The following PIEZO2 variants were observed in gnomAD, a reference collection of about 807,000 sequenced individuals.
The protein encoded by PIEZO2 is piezo type mechanosensitive ion channel component 2.
Under a neutral mutation model 337.3 loss-of-function variants are expected in PIEZO2, and 172 were observed. The ratio of observed to expected loss-of-function variants is 0.51; its 90% CI spans 0.45 to 0.58. The LOEUF (loss-of-function observed/expected upper bound fraction) is 0.58, where lower values mean the gene tolerates loss of function less well. Ranked by LOEUF, PIEZO2 falls within the 20% of genes least tolerant of loss-of-function variation. PIEZO2 has a pLI of 0.00. For synonymous variants in PIEZO2, 1,251 were observed against 1,228.5 expected (o/e 1.02, Z -0.38); for missense variants, 3,028 against 3,391.3 (o/e 0.89, Z 2.66).
chr18:10,748,223 A>G lies in PIEZO2; in HGVS notation c.4424+248T>C, dbSNP rs1598429205. Among the ~76,000 whole-genome samples the G allele has an allele frequency of 6.6e-6, 1 of 152,164 alleles. No individual in the cohort carries two copies. Among genetic ancestry groups the G allele is most frequent in the Non-Finnish European group, 1.5e-5 (1 of 68,030 alleles). On this transcript the variant is annotated intron_variant, in intron 30 of 55. Transcript: ENST00000674853. The surrounding 1 kb of genome is among the most constrained non-coding windows in gnomAD (Gnocchi z 5.1). ...AGTGGTGGATTCTGCAAGGGCTTCA[A>G]TTGACCAGTGAACCTCTGGCCTTCC...
chr18:10,877,790 A>G lies in PIEZO2; in HGVS notation c.330-6375T>C, dbSNP rs146930477. On this transcript the variant is annotated intron_variant, in intron 4 of 55. Transcript: ENST00000674853. This position sits in a 1 kb window ranked among gnomAD's most constrained non-coding sequence, Gnocchi z 5.3. ...GCATAAAGCTGATCATGTCAACCCC[A>G]CGGCCCCCAGGAAACATCCACATTC... is the stretch of plus-strand genomic sequence containing the variant. Among the ~76,000 whole-genome samples the G allele has an allele frequency of 2.2e-3, 336 of 152,080 alleles. 1 individual carries two copies. Among genetic ancestry groups the G allele is most frequent in the African/African-American group, 7.8e-3 (323 of 41,468 alleles).
intron 8 of PIEZO2, among the ~76,000 whole-genome samples, chr18:10,805,448 A>G (rs1203089424): frequency 3.9e-5 from 6 of 152,222 alleles, no homozygotes; most frequent in African/African-American, 1.4e-4. Context: ...CCCAGGAGGC[A>G]GAGGTTGTGG....
intron 11 of PIEZO2, among the ~76,000 whole-genome samples, chr18:10,800,085 G>A (rs1229640706): frequency 6.6e-6 from 1 of 152,022 alleles, no homozygotes. Flanking sequence ...AAGTTGACAT[G>A]TTTAAAATAC....
chr18:10,854,210 C>A lies in PIEZO2; in HGVS notation c.917+1143G>T, dbSNP rs932985098. Among the ~76,000 whole-genome samples, 9 of 152,128 alleles carry A rather than the reference C, an allele frequency of 5.9e-5. No homozygotes were observed. Among genetic ancestry groups the A allele is most frequent in the Non-Finnish European group, 1.2e-4 (8 of 68,028 alleles). On this transcript the variant is annotated intron_variant, in intron 7 of 55. Transcript: ENST00000674853. The surrounding 1 kb of genome is among the most constrained non-coding windows in gnomAD (Gnocchi z 4.6). ...GGGAGGTTAGGTCAAAAGTCTTAAC[C>A]ATATGATGCTGTATAGCTCATCTGT...
intron 3 of PIEZO2, among the ~76,000 whole-genome samples, chr18:10,974,024 A>T (rs1568256246): frequency 6.6e-6 from 1 of 152,146 alleles, no homozygotes; most frequent in African/African-American, 2.4e-5. Flanking sequence ...CATGGGGTGA[A>T]GTTTACAGCT....
intron 46 of PIEZO2, 26 bp from the exon 47 acceptor site, chr18:10,696,314 C>T: frequency 6.2e-7 from 1 of 1,613,806 alleles, no homozygotes; most frequent in African/African-American, 1.3e-5. Context: ...CAAATTCATG[C>T]CCAAGAGAGG....
In PIEZO2 at chr18:11,003,780, C is replaced by A. The variant is rs569411960; in HGVS notation, c.161-24120G>T. On this transcript the variant is annotated intron_variant, in intron 2 of 55. Transcript: ENST00000674853. The surrounding 1 kb of genome is among the most constrained non-coding windows in gnomAD (Gnocchi z 4.6). ...AACCAGAGTACCTAGAAAAATCCCA[C>A]ACAGACCTGGGGAGAACAAGCAAAC... is the stretch of plus-strand genomic sequence containing the variant. Among the ~76,000 whole-genome samples the A allele has an allele frequency of 6.6e-6, 1 of 152,326 alleles. No homozygotes were observed. Among genetic ancestry groups the A allele is most frequent in the East Asian group, 1.9e-4 (1 of 5,176 alleles).
intron 2 of PIEZO2, among the ~76,000 whole-genome samples, chr18:10,990,115 G>C (rs2035033701): frequency 6.6e-6 from 1 of 152,040 alleles, no homozygotes; most frequent in Non-Finnish European, 1.5e-5. Context: ...TTAACAATTA[G>C]ATGCATTAAG....
intron 4 of PIEZO2, among the ~76,000 whole-genome samples, chr18:10,874,620 T>C (rs1430138014): frequency 6.6e-6 from 1 of 152,132 alleles, no homozygotes; most frequent in East Asian, 1.9e-4. Context: ...ATATACACAA[T>C]GGAATATTAT....
rs1046830741 is a variant in PIEZO2 at position 10,670,489 on chromosome 18, T to C, written c.*1038A>G. 1 of 152,238 alleles carries C rather than the reference T, an allele frequency of 6.6e-6. No individual in the cohort carries two copies. Among genetic ancestry groups the C allele is most frequent in the Non-Finnish European group, 1.5e-5 (1 of 68,038 alleles). The allele number at this position is 152,238 out of a possible 1,614,324, so 9.4% of individuals were successfully genotyped here. A position where few individuals can be genotyped will look rare whatever the true frequency, so the allele number is the denominator to read the frequency against. On this transcript the variant is annotated 3_prime_UTR_variant, in exon 56 of 56. Coordinates refer to ENST00000674853, the MANE Select transcript of PIEZO2 (RefSeq NM_001378183.1). ...TATTTCCCCAAGCTCAATATACATA[T>C]TTCTTTCATAATTATGAACTTAAAA... is the stretch of plus-strand genomic sequence containing the variant.
chr18:11,081,420 G>GC (rs1404950518), intron 1 of PIEZO2, among the ~76,000 whole-genome samples: 2 of 152,176 alleles, frequency 1.3e-5, no homozygotes, highest in Non-Finnish European at 2.9e-5. Flanking sequence ...TCCCAGTCGA[G>GC]CAAGTCCATT....
chr18:10,996,956 T>C (rs961593217), intron 2 of PIEZO2, among the ~76,000 whole-genome samples: 4 of 151,888 alleles, frequency 2.6e-5, no homozygotes, highest in Non-Finnish European at 5.9e-5. Flanking sequence ...AAAGGAAAAA[T>C]CCTTATGAGA....
Position 10,759,825 on chromosome 18 carries a change from A to G in PIEZO2, c.3535T>C (p.Leu1179=). 6.5e-7 allele frequency: 1 copy of G among 1,537,412 alleles called. No individual in the cohort carries two copies. Among genetic ancestry groups the G allele is most frequent in the African/African-American group, 1.4e-5 (1 of 73,184 alleles). The change falls in exon 25 of 56, where the codon TTA becomes CTA. Residue 1179 remains leucine (L), a synonymous_variant. Transcript: ENST00000674853. The surrounding 1 kb of genome is among the most constrained non-coding windows in gnomAD (Gnocchi z 5.5). ...MIHACWLIAV[L]YRRRRKAIAE... ...ATGGCTTTCCTTCTGCGTCTATATA[A>G]GACAGCGATCAGCCAGCAGGCGTGG...
chr18:11,051,619 G>A (rs904947301), intron 2 of PIEZO2, among the ~76,000 whole-genome samples: 2 of 152,118 alleles, frequency 1.3e-5, no homozygotes, highest in African/African-American at 2.4e-5. Context: ...TAGCTTGTTG[G>A]CAGGACTAAA....
Position 10,929,305 on chromosome 18 carries a change from A to G in PIEZO2, c.287-18077T>C, listed in dbSNP as rs894889534. On this transcript the variant is annotated intron_variant, in intron 3 of 55. Transcript: ENST00000674853. The surrounding 1 kb of genome is among the most constrained non-coding windows in gnomAD (Gnocchi z 5.6). ...CGTGCACGCATCATATGAAGGTGTT[A>G]TGCTGCTGCATGCATGGGTACCCCA... Among the ~76,000 whole-genome samples the G allele has an allele frequency of 6.6e-6, 1 of 152,238 alleles. No individual in the cohort carries two copies. The highest frequency in any genetic ancestry group is 1.5e-5 in the Non-Finnish European group (1 of 68,042).
chr18:10,962,740 G>A lies in PIEZO2; in HGVS notation c.286+16795C>T, dbSNP rs1377095547. ...TTTTAATTTGTAATTTCATCCCCAA[G>A]ATAAATCCATCATTTAGCCTCTTTA... On this transcript the variant is annotated intron_variant, in intron 3 of 55. Coordinates refer to ENST00000674853, the MANE Select transcript of PIEZO2 (RefSeq NM_001378183.1). This position sits in a 1 kb window ranked among gnomAD's most constrained non-coding sequence, Gnocchi z 4.1. Among the ~76,000 whole-genome samples, 3 of 152,074 alleles carry A rather than the reference G, an allele frequency of 2.0e-5. No individual in the cohort carries two copies. The highest frequency in any genetic ancestry group is 7.2e-5 in the African/African-American group (3 of 41,400).
chr18:11,067,723 T>A (rs2038197852), intron 1 of PIEZO2, among the ~76,000 whole-genome samples: 1 of 152,098 alleles, frequency 6.6e-6, no homozygotes, highest in African/African-American at 2.4e-5. Flanking sequence ...AAAGCAAATA[T>A]CAACGGATAT....
intron 53 of PIEZO2, 137 bp from the exon 54 acceptor site, chr18:10,675,425 T>C: frequency 2.2e-6 from 1 of 457,526 alleles, no homozygotes; most frequent in Non-Finnish European, 3.8e-6. Context: ...TGTGTAGACA[T>C]CATAATTTAC....
chr18:10,897,997 A>G (rs2042946889), intron 4 of PIEZO2, among the ~76,000 whole-genome samples: 5 of 152,208 alleles, frequency 3.3e-5, no homozygotes, highest in Admixed American at 3.3e-4. Flanking sequence ...TGCAGACAAA[A>G]AAATTTAACA....
Sources: gnomAD v4.1 joint callset for allele counts (sites outside exome capture counted in the v4.1 genomes callset) on GRCh38, gnomAD v4.1.1 for gene constraint, Gnocchi (gnomAD v3.1) non-coding constraint, MANE v1.5 for transcripts, NCBI Gene and HGNC (gene_info 2026-07-23, HGNC 2026-07-21) for gene names.